HAP1: variants seen among roughly 807,000 people sequenced by gnomAD.
HAP1 encodes huntingtin-associated protein 1.
Under a neutral mutation model 60.3 loss-of-function variants are expected in HAP1, and 59 were observed. The ratio of observed to expected loss-of-function variants is 0.98; its 90% CI spans 0.79 to 1.22. HAP1 has a LOEUF of 1.22. Among genes scored for constraint, HAP1 ranks in the 50% most tolerant of loss-of-function variants. The pLI is 0.00. For synonymous variants in HAP1, 346 were observed against 330.6 expected, an observed-to-expected ratio of 1.05 and a Z score of -0.50; for missense variants, 825 against 785.3, an observed-to-expected ratio of 1.05 and a Z score of -0.60.
At chr17:41,727,309 T>C (rs145330219) in intron 8 of HAP1, 165 bp from the exon 9 acceptor site, 4 of 780,768 alleles carry the variant, frequency 5.1e-6, no homozygotes, top group African/African-American at 5.1e-5. Context: ...AGAGGCACGC[T>C]GTATGGGTAA....
chr17:41,734,253 T>C lies in HAP1; in HGVS notation c.382A>G (p.Ile128Val), dbSNP rs1379446914. 6.2e-7 allele frequency: 1 copy of C among 1,604,656 alleles called. No homozygotes were observed. Among genetic ancestry groups the C allele is most frequent in the Non-Finnish European group, 8.5e-7 (1 of 1,174,404 alleles). Reference protein sequence around the residue: ...TGRGTGKAAGIWKTPAAYVGR... With the variant: ...TGRGTGKAAGVWKTPAAYVGR... ...ACGTAGGCGGCTGGCGTCTTCCAGA[T>C]GCCCGCTGCCTTTCCAGTCCCCCGG... Residue 128 changes from isoleucine (I) to valine (V), a missense_variant, in exon 1 of 11, where the codon ATC (isoleucine) becomes GTC (valine). By Grantham distance (29) the Ile-to-Val change is conservative. Coordinates refer to ENST00000347901, the MANE Select transcript of HAP1 (RefSeq NM_177977.3).
At chr17:41,721,727 C>T (rs2143166335), downstream of HAP1, 1 of 152,200 alleles carries the variant, frequency 6.6e-6, no homozygotes, top group Admixed American at 6.6e-5. Flanking sequence ...CCACCATGCC[C>T]AGCTAATTTT....
In HAP1 at chr17:41,725,981, A is replaced by G. The variant is rs541509444; in HGVS notation, c.1368-84T>C. ...GGGCTTGGTCAAGCTGAAGAACCTT[A>G]GGTAGTGGCCATGAGCAGTGGCTCA... On this transcript the variant is annotated intron_variant, in intron 9 of 10. Transcript: ENST00000347901. 1.7e-5 allele frequency: 18 copies of G among 1,031,520 alleles called. No homozygotes were observed. In the African/African-American group the frequency reaches 2.5e-4, roughly 14 times the overall value. The allele number at this position is 1,031,520 out of a possible 1,614,324, so 63.9% of individuals were successfully genotyped here. A position where few individuals can be genotyped will look rare whatever the true frequency, so the allele number is the denominator to read the frequency against.
intron 6 of HAP1, 26 bp from the exon 7 acceptor site, chr17:41,728,357 C>G (rs1911859224): frequency 1.2e-6 from 2 of 1,609,168 alleles, no homozygotes; most frequent in East Asian, 4.5e-5. Flanking sequence ...GACAGGTCAG[C>G]CCTGGCTCCC....
chr17:41,734,235 CG>C lies in HAP1; in HGVS notation c.399del (p.Ala134ProfsTer43). On this transcript the variant is annotated frameshift_variant, in exon 1 of 11. Transcript: ENST00000347901. LOFTEE classifies it high-confidence loss of function. ...GKAAGIWKTP[A>X]AYVGRRPGVS... ...ACCCCGGGTCGCCGGCCAACGTAGG[CG>C]GCTGGCGTCTTCCAGATGCCCGCTG... 6.2e-7 allele frequency: 1 copy of C among 1,601,316 alleles called. No homozygotes were observed. Among genetic ancestry groups the C allele is most frequent in the Middle Eastern group, 1.7e-4 (1 of 5,970 alleles).
intron 9 of HAP1, among the ~76,000 whole-genome samples, chr17:41,726,530 C>A (rs1418411306): frequency 6.6e-6 from 1 of 151,390 alleles, no homozygotes; most frequent in Non-Finnish European, 1.5e-5. Flanking sequence ...CCACTGCACT[C>A]CAGTCCAGGT....
Position 41,727,762 on chromosome 17 carries a change from C to G in HAP1, c.1275G>C (p.Glu425Asp), listed in dbSNP as rs1911782198. ...GGCAGAAGCCGGCAGCGAGACTCAC[C>G]TCTTCCTGGAGCTGCATCTGGATTT... ...EKEIQMQLQE[E>D]ETLPGFQETL... The change falls in exon 8 of 11, where the codon GAG (glutamate) becomes GAC (aspartate). Residue 425 changes from glutamate to aspartate, a missense_variant and splice_region_variant. Transcript: ENST00000347901. The G allele has an allele frequency of 2.5e-6, 4 of 1,606,420 alleles. No homozygotes were observed. The highest frequency in any genetic ancestry group is 3.4e-6 in the Non-Finnish European group (4 of 1,174,184).
At chr17:41,728,119 G>T in intron 7 of HAP1, 82 bp downstream of exon 7, 1 of 1,508,694 alleles carries the variant, frequency 6.6e-7, no homozygotes, top group Non-Finnish European at 9.1e-7. Flanking sequence ...CTCAGGCCTG[G>T]TGGAGCCGAG....
chr17:41,727,388 C>T (rs747449696), intron 8 of HAP1: 8 of 780,210 alleles, frequency 1.0e-5, no homozygotes, highest in Non-Finnish European at 9.6e-6. Context: ...GCATCTCAAT[C>T]AGCATGCCCC....
intron 7 of HAP1, 63 bp downstream of exon 7, chr17:41,728,138 G>A: frequency 2.5e-6 from 4 of 1,583,586 alleles, no homozygotes; most frequent in Non-Finnish European, 3.4e-6. Context: ...AGTGGAGGCA[G>A]GAAGAAGGAA....
Position 41,732,001 on chromosome 17 carries a change from C to T in HAP1, c.832G>A (p.Glu278Lys). ...TCCTCTGCTTCTTCTTCTTCCTGTT[C>T]CTCTTCTGCCTCCTTTTCTTCCTCC... ...EEEEEKEAEE[E>K]QEEEEAEEDL... Residue 278 changes from glutamate (E) to lysine (K), a missense_variant, in exon 4 of 11, where the codon GAA (glutamate) becomes AAA (lysine). Physicochemically the swap from Glu to Lys is moderately conservative, Grantham distance 56. Coordinates refer to ENST00000347901, the MANE Select transcript of HAP1 (RefSeq NM_177977.3). 7.5e-7 allele frequency: 1 copy of T among 1,331,652 alleles called. No individual in the cohort carries two copies. The highest frequency in any genetic ancestry group is 1.1e-6 in the Non-Finnish European group (1 of 926,634). The allele number at this position is 1,331,652 out of a possible 1,614,324, so 82.5% of individuals were successfully genotyped here. A position where few individuals can be genotyped will look rare whatever the true frequency, so the allele number is the denominator to read the frequency against.
chr17:41,718,625 T>C (rs1049380099), downstream of HAP1, among the ~76,000 whole-genome samples: 7 of 152,226 alleles, frequency 4.6e-5, no homozygotes, highest in Non-Finnish European at 7.3e-5. Context: ...GAATGGTAGA[T>C]AAAGGCTAGT....
At chr17:41,726,514 A>G (rs144123723) in intron 9 of HAP1, among the ~76,000 whole-genome samples, 4,846 of 151,320 alleles carry the variant, frequency 0.032, 172 homozygotes, top group African/African-American at 0.088. Flanking sequence ...GTGAGCCAAG[A>G]TCTCGCCACT....
chr17:41,725,989 G>A, intron 9 of HAP1, 92 bp from the exon 10 acceptor site: 1 of 949,802 alleles, frequency 1.1e-6, no homozygotes, highest in Admixed American at 1.7e-5. Context: ...TTAGGTAGTG[G>A]CCATGAGCAG....
At chr17:41,727,643 G>A (rs529457629) in intron 8 of HAP1, 119 bp downstream of exon 8, 84 of 681,300 alleles carry the variant, frequency 1.2e-4, no homozygotes, top group African/African-American at 9.7e-4. Context: ...GGGTGGAAAC[G>A]GACAAGACTC....
In HAP1 at chr17:41,732,714, C is replaced by G. The variant is rs1555591429; in HGVS notation, c.549+5G>C. The G allele has an allele frequency of 5.6e-6, 9 of 1,604,012 alleles. No homozygotes were observed. The highest frequency in any genetic ancestry group is 7.7e-6 in the Non-Finnish European group (9 of 1,170,766). On this transcript the variant is annotated splice_donor_5th_base_variant and intron_variant, in intron 2 of 10. Coordinates refer to ENST00000347901, the MANE Select transcript of HAP1 (RefSeq NM_177977.3). Reference sequence around the variant, plus strand: ...GCTTGCCTGGATCAGGAAGGCAGTACACACCTCCTCCAGCAAATATAACAT... The same window carrying G: ...GCTTGCCTGGATCAGGAAGGCAGTAGACACCTCCTCCAGCAAATATAACAT...
intron 6 of HAP1, among the ~76,000 whole-genome samples, 188 bp from the exon 7 acceptor site, chr17:41,728,519 C>T (rs1266759813): frequency 6.6e-6 from 1 of 152,216 alleles, no homozygotes; most frequent in East Asian, 1.9e-4. Flanking sequence ...CTGAGCAGGG[C>T]ACCAGGGTGA....
At position 41,734,531 on chromosome 17, in the gene HAP1, G is replaced by A. The variant is rs782595996; in HGVS notation, c.104C>T (p.Pro35Leu). The A allele has an allele frequency of 1.4e-5, 23 of 1,611,280 alleles. No individual in the cohort carries two copies. Among genetic ancestry groups the A allele is most frequent in the East Asian group, 6.7e-5 (3 of 44,864 alleles). ...CAPSPSASPA[P>L]EPSAQPQARG... is the part of the protein sequence containing the mutation. ...TGCCTGCGGCTGCGCAGAGGGCTCC[G>A]GAGCGGGACTGGCTGAGGGCGAAGG... Residue 35 changes from proline (P) to leucine (L), a missense_variant, in exon 1 of 11, where the codon CCG becomes CTG. Pro to Leu is a moderately conservative substitution (Grantham distance 98). Coordinates refer to ENST00000347901, the MANE Select transcript of HAP1 (RefSeq NM_177977.3).
chr17:41,733,121 A>C (rs1912388102), intron 1 of HAP1, among the ~76,000 whole-genome samples: 1 of 128,818 alleles, frequency 7.8e-6, no homozygotes, highest in Admixed American at 1.0e-4. Flanking sequence ...GCGAGATCTC[A>C]GCTCACTGCA....
Sources: allele counts gnomAD v4.1 joint callset (sites outside exome capture counted in the v4.1 genomes callset), GRCh38; gene constraint gnomAD v4.1.1; transcripts MANE v1.5; gene names NCBI Gene and HGNC (gene_info 2026-07-23, HGNC 2026-07-21).